The following ADCY8 variants were observed in gnomAD, a reference collection of about 807,000 sequenced individuals.
The protein encoded by ADCY8 is adenylate cyclase 8, also known as adenylate cyclase type 8.
In ADCY8, 51 loss-of-function variants were observed where a neutral mutation model predicts 119.7. That is an observed-to-expected ratio of 0.43 (90% CI 0.34 to 0.54). The LOEUF (loss-of-function observed/expected upper bound fraction) is 0.54. ADCY8 is among the 20% of genes least tolerant of loss of function. ADCY8 has a pLI of 0.03. For synonymous variants in ADCY8, 665 were observed against 651.0 expected, an observed-to-expected ratio of 1.02 and a Z score of -0.33; for missense variants, 1,383 against 1,598.8, an observed-to-expected ratio of 0.87 and a Z score of 2.30.
At chr8:130,806,398 C>T (rs1815959373) in intron 14 of ADCY8, among the ~76,000 whole-genome samples, 1 of 152,196 alleles carries the variant, frequency 6.6e-6, no homozygotes. Flanking sequence ...CTCCTTATCC[C>T]TATTGCTTCA....
intron 5 of ADCY8, among the ~76,000 whole-genome samples, chr8:130,910,794 C>T (rs929341152): frequency 6.6e-6 from 1 of 152,156 alleles, no homozygotes; most frequent in Admixed American, 6.5e-5. Flanking sequence ...AGAATTTCTA[C>T]CATTGGATGA....
chr8:130,801,019 A>C (rs903136502), intron 14 of ADCY8, among the ~76,000 whole-genome samples: 7 of 152,120 alleles, frequency 4.6e-5, no homozygotes, highest in African/African-American at 1.7e-4. Context: ...CCACCTCCTA[A>C]TACCATCACC....
At chr8:130,918,877 A>G (rs191854591) in intron 5 of ADCY8, among the ~76,000 whole-genome samples, 157 of 152,366 alleles carry the variant, frequency 1.0e-3, no homozygotes, top group African/African-American at 3.6e-3. Context: ...CCTGGCTAAC[A>G]TGATGAAACC....
At chr8:130,883,792 C>G (rs924767099) in intron 8 of ADCY8, among the ~76,000 whole-genome samples, 1 of 152,134 alleles carries the variant, frequency 6.6e-6, no homozygotes, top group Non-Finnish European at 1.5e-5. Context: ...CTGCCCACTC[C>G]CTTCTCCAGT....
chr8:131,025,777 G>A (rs1190740217), intron 1 of ADCY8, among the ~76,000 whole-genome samples: 1 of 152,196 alleles, frequency 6.6e-6, no homozygotes, highest in Non-Finnish European at 1.5e-5. Context: ...CAAGTGCAGG[G>A]TCAGCCCCTG....
At chr8:130,792,319 T>C (rs1289281726) in intron 15 of ADCY8, among the ~76,000 whole-genome samples, 1 of 152,264 alleles carries the variant, frequency 6.6e-6, no homozygotes, top group Non-Finnish European at 1.5e-5. Flanking sequence ...GGCTCAGGCC[T>C]CAGACCTCTT....
Position 130,920,797 on chromosome 8 carries a change from T to C in ADCY8, c.1482-10931A>G, listed in dbSNP as rs375343672. On this transcript the variant is annotated intron_variant, in intron 5 of 17. Transcript: ENST00000286355. ...GAGTAAATCAGATTACCCTCCACAA[T>C]GTGTGTGGGCTTTACACAGTTGAAG... 2.9e-4 allele frequency among the ~76,000 whole-genome samples: 44 copies of C among 152,202 alleles called. 1 individual carries two copies. The highest frequency in any genetic ancestry group is 9.2e-4 in the African/African-American group (38 of 41,448).
At chr8:130,883,455 G>A (rs993950309) in intron 8 of ADCY8, among the ~76,000 whole-genome samples, 5 of 152,158 alleles carry the variant, frequency 3.3e-5, no homozygotes, top group Non-Finnish European at 5.9e-5. Context: ...ATTGGGAACT[G>A]TAGGTGAAGG....
chr8:130,882,822 A>G (rs1424435393), intron 8 of ADCY8, among the ~76,000 whole-genome samples: 3 of 152,118 alleles, frequency 2.0e-5, no homozygotes, highest in Admixed American at 6.5e-5. Context: ...GTCCCTAGAG[A>G]TGGTCTCAGA....
chr8:130,869,603 T>C (rs986773299), intron 8 of ADCY8, among the ~76,000 whole-genome samples: 47 of 150,872 alleles, frequency 3.1e-4, no homozygotes, highest in African/African-American at 6.6e-4. Flanking sequence ...CTGCAAGCTC[T>C]GCCTCCCAGG....
chr8:130,903,683 G>T, intron 7 of ADCY8, 89 bp downstream of exon 7: 1 of 1,435,570 alleles, frequency 7.0e-7, no homozygotes, highest in Non-Finnish European at 9.5e-7. Context: ...AAAGGTTAAA[G>T]ATGAATCAGT....
chr8:130,793,578 C>T (rs2130082442), intron 15 of ADCY8, among the ~76,000 whole-genome samples: 1 of 152,242 alleles, frequency 6.6e-6, no homozygotes, highest in East Asian at 1.9e-4. Flanking sequence ...TCTTGTGCGC[C>T]CAGGGCAGGA....
intron 5 of ADCY8, among the ~76,000 whole-genome samples, chr8:130,912,902 T>C (rs1820023274): frequency 6.6e-6 from 1 of 152,142 alleles, no homozygotes; most frequent in African/African-American, 2.4e-5. Flanking sequence ...GAATCCAGCC[T>C]TTGAGAGGAG....
chr8:131,003,212 A>G (rs1034728195), intron 1 of ADCY8, among the ~76,000 whole-genome samples: 16 of 151,602 alleles, frequency 1.1e-4, no homozygotes, highest in African/African-American at 3.9e-4. Context: ...ACCATCACAC[A>G]CACACACACA....
chr8:130,796,922 G>T (rs1815598636), intron 15 of ADCY8, among the ~76,000 whole-genome samples: 1 of 151,432 alleles, frequency 6.6e-6, no homozygotes, highest in Non-Finnish European at 1.5e-5. Context: ...CAGCCTCCTA[G>T]ACCAATTCCC....
At chr8:130,932,697 G>T (rs1820666748) in intron 5 of ADCY8, among the ~76,000 whole-genome samples, 1 of 152,078 alleles carries the variant, frequency 6.6e-6, no homozygotes, top group Non-Finnish European at 1.5e-5. Context: ...TGCTCAAATT[G>T]ATGTTTCTGT....
intron 14 of ADCY8, among the ~76,000 whole-genome samples, chr8:130,801,368 T>C (rs1250972060): frequency 6.6e-6 from 1 of 152,218 alleles, no homozygotes; most frequent in Non-Finnish European, 1.5e-5. Flanking sequence ...TTGCCTGTTA[T>C]TCATTTTCTT....
chr8:131,028,548 GA>G (rs375330238), intron 1 of ADCY8, among the ~76,000 whole-genome samples: 56 of 141,822 alleles, frequency 3.9e-4, no homozygotes, highest in Middle Eastern at 3.5e-3. Flanking sequence ...CTAATTAGCA[GA>G]AAAAAAAAAA....
intron 2 of ADCY8, among the ~76,000 whole-genome samples, chr8:130,970,246 T>A (rs76301655): frequency 1.3e-5 from 2 of 152,332 alleles, no homozygotes; most frequent in East Asian, 3.9e-4. Context: ...CAAGGCTTCA[T>A]CTGTATTTAC....
Sources: gnomAD v4.1 joint callset for allele counts (sites outside exome capture counted in the v4.1 genomes callset) on GRCh38, gnomAD v4.1.1 for gene constraint, MANE v1.5 for transcripts, NCBI Gene and HGNC (gene_info 2026-07-23, HGNC 2026-07-21) for gene names.